Variants in MALRD1 observed in about 807,000 individuals in gnomAD.
MALRD1 encodes the protein MAM and LDL-receptor class A domain-containing protein 1.
Under a neutral mutation model 242.1 loss-of-function variants are expected in MALRD1, and 247 were observed. The ratio of observed to expected loss-of-function variants is 1.02; its 90% CI spans 0.92 to 1.13. The LOEUF (loss-of-function observed/expected upper bound fraction) is 1.13. Among genes scored for constraint, MALRD1 ranks in the 50% most tolerant of loss-of-function variants. The pLI, the probability that MALRD1 is intolerant of heterozygous loss-of-function variation, is 0.00. For synonymous variants in MALRD1, 995 were observed against 866.6 expected, an observed-to-expected ratio of 1.15 and a Z score of -2.60; for missense variants, 2,989 against 2,533.1, an observed-to-expected ratio of 1.18 and a Z score of -3.86.
chr10:19,471,289 T>C (rs965059048), intron 29 of MALRD1, among the ~76,000 whole-genome samples: 2 of 151,958 alleles, frequency 1.3e-5, no homozygotes, highest in Non-Finnish European at 2.9e-5. Flanking sequence ...CATTGGTCTA[T>C]GGGTCTGGTT....
intron 36 of MALRD1, among the ~76,000 whole-genome samples, chr10:19,636,084 A>G (rs189967110): frequency 2.5e-4 from 38 of 152,208 alleles, no homozygotes; most frequent in Admixed American, 1.3e-3. Flanking sequence ...GGAAAATAAA[A>G]TATTTTAAAA....
chr10:19,353,696 C>T (rs950935278), intron 26 of MALRD1, among the ~76,000 whole-genome samples: 1 of 152,160 alleles, frequency 6.6e-6, no homozygotes, highest in African/African-American at 2.4e-5. Context: ...AATTGACCTG[C>T]CCAAGATACT....
At chr10:19,720,654 C>T (rs1420516317) in intron 38 of MALRD1, among the ~76,000 whole-genome samples, 2 of 152,084 alleles carry the variant, frequency 1.3e-5, no homozygotes, top group Non-Finnish European at 2.9e-5. Context: ...TCTCAGATTC[C>T]CCTTCTCCAA....
chr10:19,454,693 G>T (rs537244151), intron 29 of MALRD1, among the ~76,000 whole-genome samples: 1 of 143,038 alleles, frequency 7.0e-6, no homozygotes, highest in Non-Finnish European at 1.5e-5. Context: ...GTTGTAAATC[G>T]AGGACTGTCC....
chr10:19,047,709 G>A (rs1051215077), upstream of MALRD1, among the ~76,000 whole-genome samples: 2 of 152,076 alleles, frequency 1.3e-5, no homozygotes, highest in African/African-American at 4.8e-5. Flanking sequence ...AGGAAAGGCA[G>A]AATTGTGGAT....
At chr10:19,127,630 C>T (rs1039613929) in intron 7 of MALRD1, among the ~76,000 whole-genome samples, 1 of 152,088 alleles carries the variant, frequency 6.6e-6, no homozygotes, top group Non-Finnish European at 1.5e-5. Flanking sequence ...AGTTCAAGAA[C>T]AGCTCAAATT....
At chr10:19,484,998 A>G (rs1318021022) in intron 29 of MALRD1, among the ~76,000 whole-genome samples, 2 of 152,206 alleles carry the variant, frequency 1.3e-5, no homozygotes, top group Admixed American at 1.3e-4. Context: ...CAGCCATACA[A>G]AATAATGAAA....
At chr10:19,213,182 T>G (rs1837150710) in intron 18 of MALRD1, among the ~76,000 whole-genome samples, 1 of 152,204 alleles carries the variant, frequency 6.6e-6, no homozygotes, top group South Asian at 2.1e-4. Flanking sequence ...CCAAATGTTT[T>G]CACATCTTCC....
intron 4 of MALRD1, among the ~76,000 whole-genome samples, chr10:19,103,545 C>G (rs1263807955): frequency 3.6e-5 from 2 of 55,690 alleles, no homozygotes; most frequent in African/African-American, 1.1e-4. Flanking sequence ...AAGCGAGACT[C>G]CGTCTCAAAA....
chr10:19,514,424 GAA>G (rs1833540140), intron 31 of MALRD1, among the ~76,000 whole-genome samples: 1 of 151,972 alleles, frequency 6.6e-6, no homozygotes, highest in Non-Finnish European at 1.5e-5. Context: ...TTAATCAAGA[GAA>G]AGAAAAAAAT....
intron 21 of MALRD1, among the ~76,000 whole-genome samples, chr10:19,313,774 C>T (rs1371835460): frequency 1.3e-5 from 2 of 151,302 alleles, no homozygotes; most frequent in Admixed American, 6.6e-5. Flanking sequence ...TATACTTGCC[C>T]CATAAAGTGT....
chr10:19,144,379 T>C (rs1302513295), intron 10 of MALRD1, among the ~76,000 whole-genome samples: 1 of 152,316 alleles, frequency 6.6e-6, no homozygotes, highest in African/African-American at 2.4e-5. Context: ...TCTATGACTG[T>C]CTAACAAGCA....
chr10:19,372,557 C>G (rs892965691), intron 26 of MALRD1, among the ~76,000 whole-genome samples: 6 of 151,954 alleles, frequency 3.9e-5, no homozygotes, highest in Non-Finnish European at 5.9e-5. Context: ...CAACCTCCAC[C>G]TCCCAGTTCA....
At chr10:19,415,284 T>C (rs1415906726) in intron 28 of MALRD1, among the ~76,000 whole-genome samples, 1 of 152,188 alleles carries the variant, frequency 6.6e-6, no homozygotes, top group Non-Finnish European at 1.5e-5. Flanking sequence ...CCATACCTTA[T>C]CGAGATTAGT....
intron 28 of MALRD1, among the ~76,000 whole-genome samples, chr10:19,391,870 C>G (rs1846351496): frequency 6.6e-6 from 1 of 152,162 alleles, no homozygotes; most frequent in African/African-American, 2.4e-5. Context: ...AAAGGGACTG[C>G]TGGATGAAGC....
chr10:19,257,707 A>T lies in MALRD1; in HGVS notation c.3015A>T (p.Gly1005=). The T allele has an allele frequency of 6.5e-7, 1 of 1,540,726 alleles. No homozygotes were observed. The highest frequency in any genetic ancestry group is 2.5e-5 in the East Asian group (1 of 40,548). ...AGATATTGGTGGAGGCTTCAGTGGG[A>T]GATGGCTTCACTGGAGATATTGCGA... ...PFQILVEASV[G]DGFTGDIAID... The change falls in exon 19 of 40, where the codon GGA becomes GGT. Residue 1005 remains glycine (G), a synonymous_variant. Coordinates refer to ENST00000454679, the MANE Select transcript of MALRD1 (RefSeq NM_001142308.3).
intron 26 of MALRD1, among the ~76,000 whole-genome samples, chr10:19,385,730 A>C (rs1846046050): frequency 6.6e-6 from 1 of 151,788 alleles, no homozygotes; most frequent in Admixed American, 6.6e-5. Flanking sequence ...TATATTATTT[A>C]TTTATGTTCT....
At position 19,627,439 on chromosome 10, in the gene MALRD1, C is replaced by CA. The variant is rs1301201902; in HGVS notation, c.6137+11523dup. On this transcript the variant is annotated intron_variant, in intron 36 of 39. Transcript: ENST00000454679. ...AAACAACAAACAAACAAAAAAGCAA[C>CA]AAAAAAACAATAACAGGGCCACGTG... Among the ~76,000 whole-genome samples, 4 of 151,580 alleles carry CA rather than the reference C, an allele frequency of 2.6e-5. No homozygotes were observed. In the East Asian group the frequency reaches 5.8e-4, roughly 22 times the overall value.
intron 36 of MALRD1, among the ~76,000 whole-genome samples, chr10:19,642,596 A>C (rs1466395493): frequency 6.6e-6 from 1 of 152,200 alleles, no homozygotes; most frequent in African/African-American, 2.4e-5. Context: ...TCTACCATCT[A>C]TCTGGACAAA....
Sources: gnomAD v4.1 joint callset for allele counts (sites outside exome capture counted in the v4.1 genomes callset) on GRCh38, gnomAD v4.1.1 for gene constraint, MANE v1.5 for transcripts, NCBI Gene and HGNC (gene_info 2026-07-23, HGNC 2026-07-21) for gene names.